The following EEF1E1 variants were observed in gnomAD, a reference collection of about 807,000 sequenced individuals.
EEF1E1 encodes the protein eukaryotic translation elongation factor 1 epsilon 1, also known as eukaryotic translation elongation factor 1 epsilon-1.
EEF1E1 carries 19 observed loss-of-function variants against 19.9 expected under a neutral mutation model. The ratio of observed to expected loss-of-function variants is 0.95; its 90% CI spans 0.66 to 1.40. The LOEUF is 1.40. Ranked by LOEUF, EEF1E1 falls within the 40% of genes most tolerant of loss-of-function variation. The pLI, the probability that EEF1E1 is intolerant of heterozygous loss-of-function variation, is 0.00. For missense variants in EEF1E1, 198 were observed against 202.2 expected (o/e 0.98, Z 0.13); for synonymous variants, 81 against 80.0 (o/e 1.01, Z -0.07).
Position 8,073,486 on chromosome 6 carries a change from CCT to C in EEF1E1, c.407_408del (p.Glu136GlyfsTer12). On this transcript the variant is annotated frameshift_variant, in exon 4 of 4. Coordinates refer to the EEF1E1 transcript ENST00000429723. LOFTEE classifies it high-confidence loss of function. ...TGTATGATGTTGGGTTAGTTCCCTA[CCT>C]CTGTGTGCCTCAGCTTCCTTATCTG... 6.4e-7 allele frequency: 1 copy of C among 1,551,450 alleles called. No homozygotes were observed. Among genetic ancestry groups the C allele is most frequent in the Non-Finnish European group, 8.7e-7 (1 of 1,146,928 alleles).
intron 2 of EEF1E1, among the ~76,000 whole-genome samples, chr6:8,093,261 CAGAG>C (rs1758070410): frequency 2.7e-5 from 4 of 150,646 alleles, no homozygotes; most frequent in Non-Finnish European, 5.9e-5. Flanking sequence ...TACCAAAAGA[CAGAG>C]TTTCACACAC....
intron 3 of EEF1E1, among the ~76,000 whole-genome samples, chr6:8,087,012 T>C (rs1757876340): frequency 6.6e-6 from 1 of 151,926 alleles, no homozygotes; most frequent in Non-Finnish European, 1.5e-5. Context: ...TTTAGGCGCC[T>C]GAGAGAGATG....
intron 3 of EEF1E1, among the ~76,000 whole-genome samples, chr6:8,086,967 C>T (rs1757874253): frequency 6.6e-6 from 1 of 152,088 alleles, no homozygotes; most frequent in African/African-American, 2.4e-5. Context: ...ACATGAGGTA[C>T]AAACACACAC....
At chr6:8,098,672 T>C (rs1581476087) in intron 1 of EEF1E1, among the ~76,000 whole-genome samples, 1 of 152,208 alleles carries the variant, frequency 6.6e-6, no homozygotes, top group Non-Finnish European at 1.5e-5. Flanking sequence ...ATAAATTAAA[T>C]GTATTGAAAG....
chr6:8,075,206 GACACATAACA>G (rs1757562968), downstream of EEF1E1, among the ~76,000 whole-genome samples: 1 of 152,116 alleles, frequency 6.6e-6, no homozygotes, highest in African/African-American at 2.4e-5. Flanking sequence ...ACCCCTGTAA[GACACATAACA>G]ACTCCCATAA....
In EEF1E1 at chr6:8,097,273, C is replaced by T. The variant is rs1321223061; in HGVS notation, c.282G>A (p.Leu94=). Reference sequence around the variant, plus strand: ...ATAAGAGAAGTCACGATACCTTCAACAGTGTGTGGATGTCATTTTTACTGG... The same window carrying T: ...ATAAGAGAAGTCACGATACCTTCAATAGTGTGTGGATGTCATTTTTACTGG... ...GHSSKNDIHT[L]LKDLNSYLED... Residue 94 remains leucine, a synonymous_variant, in exon 2 of 4, where the codon CTG becomes CTA. Transcript: ENST00000379715. 2.5e-6 allele frequency: 4 copies of T among 1,614,082 alleles called. No individual in the cohort carries two copies. Among genetic ancestry groups the T allele is most frequent in the South Asian group, 1.1e-5 (1 of 91,088 alleles).
downstream of EEF1E1, chr6:8,078,649 C>G (rs966966751): frequency 1.6e-6 from 2 of 1,249,446 alleles, no homozygotes; most frequent in Non-Finnish European, 2.1e-6. Flanking sequence ...CACACCTGGC[C>G]TGTGAAGTCT....
chr6:8,085,439 C>T (rs1224548854), intron 3 of EEF1E1, among the ~76,000 whole-genome samples: 1 of 152,140 alleles, frequency 6.6e-6, no homozygotes, highest in Non-Finnish European at 1.5e-5. Flanking sequence ...AGGCATGAGC[C>T]ATCATGCCCA....
At chr6:8,084,082 G>A (rs922360256) in intron 3 of EEF1E1, among the ~76,000 whole-genome samples, 2 of 152,050 alleles carry the variant, frequency 1.3e-5, no homozygotes, top group Non-Finnish European at 2.9e-5. Context: ...CCAAAAGGAT[G>A]GTCAACAGTG....
At chr6:8,085,106 T>A (rs571036152) in intron 3 of EEF1E1, among the ~76,000 whole-genome samples, 1 of 152,152 alleles carries the variant, frequency 6.6e-6, no homozygotes, top group Non-Finnish European at 1.5e-5. Context: ...AGATAAAAAA[T>A]CTGAAATAGG....
At position 8,102,186 on chromosome 6, in the gene EEF1E1, A is replaced by G. The variant is rs74880365; in HGVS notation, c.87+249T>C. 7.2e-3 allele frequency: 8,342 copies of G among 1,153,442 alleles called. 369 individuals carry two copies. In the African/African-American group the frequency reaches 0.099, roughly 14 times the overall value. The allele number at this position is 1,153,442 out of a possible 1,614,324, so 71.5% of individuals were successfully genotyped here. A position where few individuals can be genotyped will look rare whatever the true frequency, so the allele number is the denominator to read the frequency against. On this transcript the variant is annotated intron_variant, in intron 1 of 3. Transcript: ENST00000379715. ...GGTTTTGTTTCCTCATAATGGGATG[A>G]TGACAATTTCCCAGGAGGTGAAGTT...
intron 1 of EEF1E1, among the ~76,000 whole-genome samples, chr6:8,098,075 T>C (rs1758221181): frequency 6.6e-6 from 1 of 151,780 alleles, no homozygotes; most frequent in Non-Finnish European, 1.5e-5. Context: ...AATTGTTTTT[T>C]TGGGAAGACT....
At chr6:8,085,581 G>GT (rs1757832005) in intron 3 of EEF1E1, among the ~76,000 whole-genome samples, 1 of 152,168 alleles carries the variant, frequency 6.6e-6, no homozygotes, top group Non-Finnish European at 1.5e-5. Flanking sequence ...CATATTCTTT[G>GT]TAAGTATGGG....
At chr6:8,101,063 T>C (rs111508143) in intron 1 of EEF1E1, among the ~76,000 whole-genome samples, 30 of 148,776 alleles carry the variant, frequency 2.0e-4, no homozygotes, top group African/African-American at 7.2e-4. Context: ...CGGTCTCTAC[T>C]AAAAATACAA....
At chr6:8,089,959 TA>T (rs1477766184) in intron 3 of EEF1E1, 3 of 395,556 alleles carry the variant, frequency 7.6e-6, no homozygotes, top group Middle Eastern at 1.3e-3. Flanking sequence ...AAATCTGATT[TA>T]AATTCAAGAC....
Position 8,090,332 on chromosome 6 carries a change from A to G in EEF1E1, c.289-51T>C, listed in dbSNP as rs76200379. The G allele has an allele frequency of 2.9e-4, 368 of 1,259,814 alleles. 2 individuals carry two copies. In the African/African-American group the frequency reaches 5.3e-3, roughly 18 times the overall value. 78.0% of individuals were successfully genotyped at this position (1,259,814 alleles called of 1,614,324 possible). On this transcript the variant is annotated intron_variant, in intron 2 of 3. Transcript: ENST00000379715. ...TATTAATGTAAAAAACAGTAATAAT[A>G]AAGTTAATTATCATATCATGACTTA...
chr6:8,093,323 CCTTTT>C (rs996768297), intron 2 of EEF1E1, among the ~76,000 whole-genome samples: 1 of 84,820 alleles, frequency 1.2e-5, no homozygotes. Context: ...ACATTCGCTT[CCTTTT>C]TTTTTTTTTT....
chr6:8,096,199 C>T (rs1410173872), intron 2 of EEF1E1, among the ~76,000 whole-genome samples: 2 of 152,190 alleles, frequency 1.3e-5, no homozygotes, highest in Non-Finnish European at 2.9e-5. Context: ...CTGTTCCTAT[C>T]TTTCGGAATC....
chr6:8,099,818 G>T (rs1758292418), intron 1 of EEF1E1, among the ~76,000 whole-genome samples: 4 of 143,056 alleles, frequency 2.8e-5, no homozygotes, highest in Admixed American at 6.9e-5. Flanking sequence ...CCTCTATAAT[G>T]TTCACACATG....
Sources: allele counts gnomAD v4.1 joint callset (sites outside exome capture counted in the v4.1 genomes callset), GRCh38; gene constraint gnomAD v4.1.1; transcripts MANE v1.5; gene names NCBI Gene and HGNC (gene_info 2026-07-23, HGNC 2026-07-21).